Variants in KIAA1217 observed in about 807,000 individuals in gnomAD.
KIAA1217 encodes the protein sickle tail protein homolog.
KIAA1217 carries 88 observed loss-of-function variants against 163.9 expected under a neutral mutation model. The ratio of observed to expected loss-of-function variants is 0.54; its 90% CI spans 0.45 to 0.64. The LOEUF (loss-of-function observed/expected upper bound fraction) is 0.64, where lower values mean the gene tolerates loss of function less well. Among genes scored for constraint, KIAA1217 ranks in the 30% least tolerant of loss-of-function variants. KIAA1217 has a pLI of 0.00. For missense variants in KIAA1217, 2,372 were observed against 2,475.0 expected (o/e 0.96, Z 0.88); for synonymous variants, 903 against 923.1 (o/e 0.98, Z 0.39).
At chr10:23,766,310 G>A (rs1312589499) in intron 1 of KIAA1217, among the ~76,000 whole-genome samples, 1 of 152,156 alleles carries the variant, frequency 6.6e-6, no homozygotes, top group Non-Finnish European at 1.5e-5. Flanking sequence ...TTTTATTTAT[G>A]GCAATGGTCT....
At chr10:24,304,129 AT>A (rs5783885) in intron 2 of KIAA1217, among the ~76,000 whole-genome samples, 65,304 of 136,280 alleles carry the variant, frequency 0.48, 14,813 homozygotes, top group Middle Eastern at 0.59. Flanking sequence ...AATCCTCCAC[AT>A]TTTTTTTTTT....
intron 2 of KIAA1217, among the ~76,000 whole-genome samples, chr10:24,040,961 G>T (rs1848604949): frequency 6.6e-6 from 1 of 152,348 alleles, no homozygotes; most frequent in Non-Finnish European, 1.5e-5. Context: ...GCCAGGGAGG[G>T]TAACTTGCCC....
chr10:23,971,955 T>A (rs1211747649), intron 1 of KIAA1217, among the ~76,000 whole-genome samples: 1 of 152,218 alleles, frequency 6.6e-6, no homozygotes. Flanking sequence ...ATCAGAAAAT[T>A]CTGGAATCCA....
intron 2 of KIAA1217, among the ~76,000 whole-genome samples, chr10:24,336,084 T>C (rs572758165): frequency 6.6e-6 from 1 of 152,168 alleles, no homozygotes; most frequent in African/African-American, 2.4e-5. Context: ...CTACTAAAAA[T>C]ACAAACAATT....
upstream of KIAA1217, among the ~76,000 whole-genome samples, chr10:24,208,220 T>G (rs745802120): frequency 1.4e-4 from 21 of 151,784 alleles, no homozygotes; most frequent in Non-Finnish European, 2.6e-4. Flanking sequence ...TAAATATTTG[T>G]AGGTGGTTTA....
intron 1 of KIAA1217, among the ~76,000 whole-genome samples, chr10:23,923,043 C>T (rs1336963160): frequency 6.6e-6 from 1 of 150,572 alleles, no homozygotes; most frequent in Non-Finnish European, 1.5e-5. Context: ...ACACCTGTCA[C>T]CCAAGCAGGG....
intron 2 of KIAA1217, among the ~76,000 whole-genome samples, chr10:24,065,578 G>C (rs1200503326): frequency 6.6e-6 from 1 of 152,198 alleles, no homozygotes; most frequent in Non-Finnish European, 1.5e-5. Flanking sequence ...GGTCAATTTT[G>C]GAATAGGTGT....
intron 1 of KIAA1217, among the ~76,000 whole-genome samples, chr10:23,764,174 C>T (rs569994993): frequency 8.5e-5 from 13 of 152,200 alleles, no homozygotes; most frequent in Non-Finnish European, 1.3e-4. Context: ...CAAAAGAAGA[C>T]GTTTCACAGC....
chr10:24,163,793 C>A (rs1241750609), intron 2 of KIAA1217, among the ~76,000 whole-genome samples: 1 of 152,128 alleles, frequency 6.6e-6, no homozygotes, highest in Non-Finnish European at 1.5e-5. Flanking sequence ...ACTACAATAG[C>A]CTTCTAATAA....
At chr10:24,344,976 G>A (rs1346978050) in intron 2 of KIAA1217, among the ~76,000 whole-genome samples, 1 of 152,138 alleles carries the variant, frequency 6.6e-6, no homozygotes, top group Admixed American at 6.6e-5. Context: ...AACTGAATGG[G>A]CAATTTGGTT....
At position 23,891,197 on chromosome 10, in the gene KIAA1217, C is replaced by A. The variant is rs564482195; in HGVS notation, c.-320-116028C>A. Among the ~76,000 whole-genome samples, 3 of 152,104 alleles carry A rather than the reference C, an allele frequency of 2.0e-5. No individual in the cohort carries two copies. The South Asian group carries it at 6.2e-4, about 32-fold the overall frequency. ...TTACTTTTAAATGCAGTTTGATAAT[C>A]TCTGCCTTTTAAGTGTTCAGTCTGT... On this transcript the variant is annotated intron_variant, in intron 1 of 18. Transcript: ENST00000376462.
intron 2 of KIAA1217, among the ~76,000 whole-genome samples, chr10:24,055,606 C>G (rs917242242): frequency 1.3e-5 from 2 of 152,108 alleles, no homozygotes; most frequent in African/African-American, 4.8e-5. Context: ...GCTGTCCTTC[C>G]TCTCTCCTTG....
chr10:23,940,372 A>G (rs1473915647), intron 1 of KIAA1217, among the ~76,000 whole-genome samples: 5 of 150,636 alleles, frequency 3.3e-5, no homozygotes, highest in Non-Finnish European at 1.5e-5. Flanking sequence ...AAGCAGGAGA[A>G]TCATTTGAAC....
At chr10:24,282,667 G>A (rs1397165594) in intron 2 of KIAA1217, among the ~76,000 whole-genome samples, 1 of 151,834 alleles carries the variant, frequency 6.6e-6, no homozygotes, top group Non-Finnish European at 1.5e-5. Flanking sequence ...TGGTTTGTGG[G>A]TTCTTTGTTT....
chr10:24,032,035 A>G (rs892573952), intron 2 of KIAA1217, among the ~76,000 whole-genome samples: 8 of 152,142 alleles, frequency 5.3e-5, no homozygotes, highest in African/African-American at 1.9e-4. Context: ...ATTACATGTC[A>G]TCCCACATTT....
At chr10:24,373,059 C>G (rs921458704) in intron 2 of KIAA1217, among the ~76,000 whole-genome samples, 8 of 152,166 alleles carry the variant, frequency 5.3e-5, no homozygotes, top group African/African-American at 1.9e-4. Context: ...CCAATAAAAC[C>G]AGGCCAGGGC....
At chr10:24,072,766 G>T (rs1365830357) in intron 2 of KIAA1217, among the ~76,000 whole-genome samples, 1 of 152,152 alleles carries the variant, frequency 6.6e-6, no homozygotes, top group Non-Finnish European at 1.5e-5. Context: ...CACTATCAAG[G>T]TAACTCTGGA....
At chr10:24,323,730 G>T (rs995497573) in intron 2 of KIAA1217, among the ~76,000 whole-genome samples, 7 of 151,478 alleles carry the variant, frequency 4.6e-5, no homozygotes, top group African/African-American at 1.7e-4. Context: ...AATTTGTGTA[G>T]CAATGAGACT....
intron 1 of KIAA1217, among the ~76,000 whole-genome samples, chr10:24,217,239 A>C (rs2068954435): frequency 6.6e-6 from 1 of 152,114 alleles, no homozygotes; most frequent in Non-Finnish European, 1.5e-5. Flanking sequence ...TAAGGAAGAG[A>C]TCATTTTAAA....
Sources: gnomAD v4.1 joint callset for allele counts (sites outside exome capture counted in the v4.1 genomes callset) on GRCh38, gnomAD v4.1.1 for gene constraint, MANE v1.5 for transcripts, NCBI Gene and HGNC (gene_info 2026-07-23, HGNC 2026-07-21) for gene names.